STAG1: variants seen among roughly 807,000 people sequenced by gnomAD.
STAG1 encodes the protein cohesin subunit SA-1.
STAG1 carries 26 observed loss-of-function variants against 170.9 expected under a neutral mutation model. The observed-to-expected ratio is 0.15, with a 90% confidence interval of 0.11 to 0.21. The LOEUF (loss-of-function observed/expected upper bound fraction) is 0.21, where lower values mean the gene tolerates loss of function less well. Among genes scored for constraint, STAG1 ranks in the 10% least tolerant of loss-of-function variants. The pLI is 1.00. For synonymous variants in STAG1, 514 were observed against 497.7 expected (o/e 1.03, Z -0.44); for missense variants, 964 against 1,509.5 (o/e 0.64, Z 5.99).
intron 12 of STAG1, among the ~76,000 whole-genome samples, chr3:136,467,665 G>A (rs2089505368): frequency 6.6e-6 from 1 of 152,150 alleles, no homozygotes; most frequent in Non-Finnish European, 1.5e-5. Flanking sequence ...GGAATGAACA[G>A]ACATCTACAG....
intron 13 of STAG1, among the ~76,000 whole-genome samples, chr3:136,462,519 C>T (rs548536258): frequency 6.6e-6 from 1 of 152,146 alleles, no homozygotes; most frequent in African/African-American, 2.4e-5. Context: ...GTAGAATGAT[C>T]GCTACCAGAG....
chr3:136,405,012 G>A (rs2087436865), intron 21 of STAG1, among the ~76,000 whole-genome samples: 2 of 151,902 alleles, frequency 1.3e-5, no homozygotes, highest in Admixed American at 6.6e-5. Flanking sequence ...AATAGAAGGA[G>A]GCTCAAACTT....
chr3:136,396,719 G>A (rs952780394), intron 22 of STAG1, among the ~76,000 whole-genome samples: 1 of 143,668 alleles, frequency 7.0e-6, no homozygotes, highest in African/African-American at 2.6e-5. Context: ...GTAGAGACAG[G>A]GTTTCACCAT....
chr3:136,392,282 A>G (rs1183115168), intron 22 of STAG1, among the ~76,000 whole-genome samples: 1 of 151,994 alleles, frequency 6.6e-6, no homozygotes, highest in African/African-American at 2.4e-5. Context: ...TTAAACCCAA[A>G]TATCTAAGAG....
intron 7 of STAG1, among the ~76,000 whole-genome samples, chr3:136,505,131 A>C (rs1255686588): frequency 6.6e-6 from 1 of 152,194 alleles, no homozygotes; most frequent in Non-Finnish European, 1.5e-5. Context: ...AAAAAGACTT[A>C]TCTCTGCATA....
chr3:136,427,715 A>C (rs1196758391), intron 16 of STAG1, among the ~76,000 whole-genome samples: 1 of 152,130 alleles, frequency 6.6e-6, no homozygotes, highest in Non-Finnish European at 1.5e-5. Context: ...AGGTGCAAAA[A>C]CCACTGTACC....
intron 10 of STAG1, among the ~76,000 whole-genome samples, chr3:136,475,452 G>C (rs1267522102): frequency 6.6e-6 from 1 of 151,982 alleles, no homozygotes; most frequent in African/African-American, 2.4e-5. Flanking sequence ...CAGCCAACAG[G>C]TTACTCTTGA....
intron 5 of STAG1, among the ~76,000 whole-genome samples, chr3:136,549,247 T>C (rs1001164237): frequency 2.6e-5 from 4 of 152,216 alleles, no homozygotes; most frequent in Admixed American, 2.6e-4. Flanking sequence ...ATGTTGATGT[T>C]GCATCCTGTT....
intron 6 of STAG1, among the ~76,000 whole-genome samples, chr3:136,525,522 G>A (rs1393425678): frequency 6.6e-6 from 1 of 151,810 alleles, no homozygotes; most frequent in African/African-American, 2.4e-5. Flanking sequence ...GTCTATCAAT[G>A]TTGTTGATCT....
chr3:136,748,761 A>C (rs1037739275), intron 1 of STAG1, among the ~76,000 whole-genome samples: 3 of 152,166 alleles, frequency 2.0e-5, no homozygotes, highest in Non-Finnish European at 4.4e-5. Flanking sequence ...AAATGAAAGA[A>C]AAAATAATTA....
intron 1 of STAG1, among the ~76,000 whole-genome samples, chr3:136,745,028 A>G (rs1365430387): frequency 1.3e-5 from 2 of 150,910 alleles, no homozygotes; most frequent in African/African-American, 2.4e-5. Context: ...TGCACTGCAT[A>G]AAGATAAAGT....
intron 15 of STAG1, among the ~76,000 whole-genome samples, chr3:136,442,798 G>A (rs866360162): frequency 6.6e-6 from 1 of 152,120 alleles, no homozygotes; most frequent in African/African-American, 2.4e-5. Flanking sequence ...CTAGCACTTT[G>A]GAGGGCTAAG....
At chr3:136,381,816 T>C (rs1937985051) in intron 22 of STAG1, among the ~76,000 whole-genome samples, 1 of 152,202 alleles carries the variant, frequency 6.6e-6, no homozygotes, top group African/African-American at 2.4e-5. Context: ...GATTAAAGAT[T>C]TTTAAAATCT....
At chr3:136,674,101 T>G (rs1328280903) in intron 1 of STAG1, among the ~76,000 whole-genome samples, 1 of 98,162 alleles carries the variant, frequency 1.0e-5, no homozygotes, top group African/African-American at 3.9e-5. Context: ...TGACTCTGTC[T>G]CAAAAAAAAA....
intron 1 of STAG1, among the ~76,000 whole-genome samples, chr3:136,676,750 T>C (rs373994828): frequency 6.7e-6 from 1 of 150,248 alleles, no homozygotes; most frequent in East Asian, 1.9e-4. Flanking sequence ...TTGTTTGTTT[T>C]ACATCCTTGT....
intron 28 of STAG1, among the ~76,000 whole-genome samples, chr3:136,356,225 G>A (rs1936647798): frequency 6.6e-6 from 1 of 152,066 alleles, no homozygotes; most frequent in Admixed American, 6.6e-5. Context: ...TGGCATTAGA[G>A]CATAAGCTTT....
chr3:136,390,719 G>C (rs2086986582), intron 22 of STAG1, among the ~76,000 whole-genome samples: 1 of 152,164 alleles, frequency 6.6e-6, no homozygotes, highest in African/African-American at 2.4e-5. Context: ...TCCTCTCAAA[G>C]CAGTTAACTC....
At chr3:136,378,605 C>G (rs1937749235) in intron 22 of STAG1, among the ~76,000 whole-genome samples, 1 of 152,116 alleles carries the variant, frequency 6.6e-6, no homozygotes, top group South Asian at 2.1e-4. Flanking sequence ...GGGATCAAGG[C>G]TGAAGTGAGA....
intron 7 of STAG1, among the ~76,000 whole-genome samples, chr3:136,509,489 G>C (rs1486952254): frequency 2.6e-5 from 4 of 152,130 alleles, no homozygotes; most frequent in African/African-American, 9.7e-5. Context: ...TGGTTGTATG[G>C]GGTTTTCCTA....
Sources: allele counts gnomAD v4.1 joint callset (sites outside exome capture counted in the v4.1 genomes callset), GRCh38; gene constraint gnomAD v4.1.1; transcripts MANE v1.5; gene names NCBI Gene and HGNC (gene_info 2026-07-23, HGNC 2026-07-21).